Variants in MGST2 observed in about 807,000 individuals in gnomAD.
MGST2 encodes glutathione peroxidase MGST2.
MGST2 carries 9 observed loss-of-function variants against 16.6 expected under a neutral mutation model. The ratio of observed to expected loss-of-function variants is 0.54; its 90% CI spans 0.33 to 0.95. The LOEUF (loss-of-function observed/expected upper bound fraction) is 0.95, where lower values mean the gene tolerates loss of function less well. Among genes scored for constraint, MGST2 ranks in the 40% least tolerant of loss-of-function variants. The pLI is 0.03. For synonymous variants in MGST2, 79 were observed against 68.0 expected, an observed-to-expected ratio of 1.16 and a Z score of -0.79; for missense variants, 159 against 175.1, an observed-to-expected ratio of 0.91 and a Z score of 0.52.
intron 3 of MGST2, among the ~76,000 whole-genome samples, chr4:139,699,775 A>G (rs1727135202): frequency 6.6e-6 from 1 of 152,228 alleles, no homozygotes; most frequent in Admixed American, 6.5e-5. Context: ...CCAGAAGCTT[A>G]TGCCTGTAAT....
chr4:139,681,347 C>G (rs1241438191), intron 2 of MGST2, among the ~76,000 whole-genome samples: 1 of 151,992 alleles, frequency 6.6e-6, no homozygotes, highest in Non-Finnish European at 1.5e-5. Context: ...ATTTCTTCCC[C>G]CAGATTTCCT....
At chr4:139,691,880 T>A (rs1246741514) in intron 2 of MGST2, among the ~76,000 whole-genome samples, 1 of 152,036 alleles carries the variant, frequency 6.6e-6, no homozygotes, top group Non-Finnish European at 1.5e-5. Context: ...TTATATTTTT[T>A]AAGTAGAGAC....
intron 5 of MGST2, among the ~76,000 whole-genome samples, chr4:139,726,430 T>C (rs1326047843): frequency 6.6e-6 from 1 of 152,204 alleles, no homozygotes; most frequent in Non-Finnish European, 1.5e-5. Context: ...CATCTGTATG[T>C]ATTTCTGATG....
chr4:139,677,748 C>T (rs542432887), intron 1 of MGST2, among the ~76,000 whole-genome samples: 1 of 152,152 alleles, frequency 6.6e-6, no homozygotes, highest in Non-Finnish European at 1.5e-5. Context: ...GGTAATCCAC[C>T]CGTCTCAGCC....
At chr4:139,719,022 G>T in intron 5 of MGST2, 1 of 330,970 alleles carries the variant, frequency 3.0e-6, no homozygotes, top group Non-Finnish European at 5.5e-6. Flanking sequence ...GCGATCACAG[G>T]GCATGCTGGG....
chr4:139,701,968 GA>G lies in MGST2; in HGVS notation c.230-1475del, dbSNP rs5862429. Among the ~76,000 whole-genome samples the G allele has an allele frequency of 5.9e-3, 861 of 146,144 alleles. 6 individuals carry two copies. Among genetic ancestry groups the G allele is most frequent in the African/African-American group, 0.02 (806 of 39,396 alleles). On this transcript the variant is annotated intron_variant, in intron 3 of 4. Transcript: ENST00000265498. ...GTGACAGAGCAAGACCCTGTCTCAA[GA>G]AAAAAAAAAAATCATGCGGCCAAGT...
intron 2 of MGST2, among the ~76,000 whole-genome samples, chr4:139,684,961 T>C (rs8192079): frequency 0.016 from 2,392 of 152,260 alleles, 72 homozygotes; most frequent in African/African-American, 0.052. Flanking sequence ...AAGCCCTCCT[T>C]ATTCAGTTTT....
exon 6 of MGST2, chr4:139,740,259 C>T (rs1729115040): frequency 6.6e-6 from 1 of 152,192 alleles, no homozygotes; most frequent in Non-Finnish European, 1.5e-5. Context: ...CTTTGGAGTT[C>T]AAGAACTCGA....
intron 5 of MGST2, among the ~76,000 whole-genome samples, chr4:139,738,337 A>C (rs1220186878): frequency 6.6e-6 from 1 of 152,252 alleles, no homozygotes; most frequent in Non-Finnish European, 1.5e-5. Flanking sequence ...TGAGGTCAGG[A>C]GATCAAGACC....
chr4:139,751,375 A>T, the MGST2 span, among the ~76,000 whole-genome samples: 1 of 152,200 alleles, frequency 6.6e-6, no homozygotes, highest in Non-Finnish European at 1.5e-5. Flanking sequence ...ATGGGACCCA[A>T]GTCTAAACAC....
At chr4:139,727,605 C>G (rs1438572896) in intron 5 of MGST2, among the ~76,000 whole-genome samples, 1 of 152,152 alleles carries the variant, frequency 6.6e-6, no homozygotes, top group African/African-American at 2.4e-5. Flanking sequence ...GATGGGACTT[C>G]ATGATGTAGA....
chr4:139,676,612 C>G (rs1468951654), intron 1 of MGST2, among the ~76,000 whole-genome samples: 2 of 152,272 alleles, frequency 1.3e-5, no homozygotes, highest in Non-Finnish European at 2.9e-5. Flanking sequence ...TACTCCAAGT[C>G]AATTGATTTC....
intron 5 of MGST2, chr4:139,730,358 A>G (rs1161162435): frequency 3.4e-6 from 5 of 1,453,236 alleles, no homozygotes; most frequent in Non-Finnish European, 4.7e-6. Flanking sequence ...GGCAGCAGGC[A>G]GGTGCTGAAT....
At chr4:139,724,915 C>T (rs1230856850) in intron 5 of MGST2, among the ~76,000 whole-genome samples, 2 of 152,032 alleles carry the variant, frequency 1.3e-5, no homozygotes, top group African/African-American at 4.8e-5. Flanking sequence ...TGCATCACCA[C>T]TCCTGGCTAA....
At chr4:139,714,158 G>A (rs961717229) in intron 5 of MGST2, among the ~76,000 whole-genome samples, 12 of 152,178 alleles carry the variant, frequency 7.9e-5, no homozygotes, top group Non-Finnish European at 1.2e-4. Flanking sequence ...TGACCAGCTT[G>A]TGAGGTCATC....
At chr4:139,741,346 A>G (rs1206791556), downstream of MGST2, among the ~76,000 whole-genome samples, 3 of 152,212 alleles carry the variant, frequency 2.0e-5, no homozygotes, top group Non-Finnish European at 4.4e-5. Flanking sequence ...CCTTGCATCC[A>G]CAAGAACCTT....
At chr4:139,696,677 T>C (rs1579322257) in intron 3 of MGST2, among the ~76,000 whole-genome samples, 1 of 152,246 alleles carries the variant, frequency 6.6e-6, no homozygotes. Flanking sequence ...TTGTAAATCC[T>C]GTGAGTGTCA....
chr4:139,666,902 C>T (rs1481821688), intron 1 of MGST2, among the ~76,000 whole-genome samples: 1 of 152,200 alleles, frequency 6.6e-6, no homozygotes, highest in Non-Finnish European at 1.5e-5. Flanking sequence ...TCCAGGCCTC[C>T]GTGCATGCTC....
chr4:139,678,585 A>G lies in MGST2; in HGVS notation c.101A>G (p.Lys34Arg). Residue 34 changes from lysine (K) to arginine (R), a missense_variant, in exon 2 of 5, where the codon AAA (lysine) becomes AGA (arginine). Physicochemically the swap from Lys to Arg is conservative, Grantham distance 26 (BLOSUM62 2). Coordinates refer to ENST00000265498, the MANE Select transcript of MGST2 (RefSeq NM_002413.5). ...LQVGKARLKY[K>R]VTPPAVTGSP... The stretch of plus-strand genomic sequence containing the variant: ...GTTGGAAAGGCAAGATTAAAATACA[A>G]AGTTACGCCCCCAGCAGTCACTGGG... 6.2e-7 allele frequency: 1 copy of G among 1,614,184 alleles called. No individual in the cohort carries two copies. The highest frequency in any genetic ancestry group is 8.5e-7 in the Non-Finnish European group (1 of 1,180,010).
Sources: allele counts gnomAD v4.1 joint callset (sites outside exome capture counted in the v4.1 genomes callset), GRCh38; gene constraint gnomAD v4.1.1; transcripts MANE v1.5; gene names NCBI Gene and HGNC (gene_info 2026-07-23, HGNC 2026-07-21).